Variants in PHEX observed in about 807,000 individuals in gnomAD.
PHEX encodes phosphate regulating endopeptidase X-linked.
Under a neutral mutation model 68.0 loss-of-function variants are expected in PHEX, and 16 were observed. That is an observed-to-expected ratio of 0.24 (90% CI 0.16 to 0.36). The LOEUF (loss-of-function observed/expected upper bound fraction) is 0.36, where lower values mean the gene tolerates loss of function less well. Among genes scored for constraint, PHEX ranks in the 10% least tolerant of loss-of-function variants. The probability of loss-of-function intolerance (pLI) is 1.00; values close to 1 mark genes in which losing one functional copy is unlikely to be tolerated. For missense variants in PHEX, 480 were observed against 575.5 expected (o/e 0.83, Z 1.70); for synonymous variants, 208 against 205.1 (o/e 1.01, Z -0.12).
chrX:22,231,754 G>A (rs1297018554), intron 20 of PHEX, among the ~76,000 whole-genome samples: 1 of 111,129 alleles, frequency 9.0e-6, no homozygotes, highest in Non-Finnish European at 1.9e-5. Flanking sequence ...AGGGTTTTTT[G>A]TGTCTCTATC....
At chrX:22,247,273 C>T (rs1285692320) in intron 21 of PHEX, among the ~76,000 whole-genome samples, 1 of 112,432 alleles carries the variant, frequency 8.9e-6, no homozygotes, top group Non-Finnish European at 1.9e-5. Context: ...AATGCAACAA[C>T]ATGGATGACT....
chrX:22,131,225 G>C (rs1310682886), intron 11 of PHEX, among the ~76,000 whole-genome samples: 1 of 110,185 alleles, frequency 9.1e-6, no homozygotes, highest in African/African-American at 3.3e-5. Context: ...ATTTTTAGTA[G>C]AGACGGGGTT....
chrX:22,246,931 G>T (rs931265518), intron 21 of PHEX, among the ~76,000 whole-genome samples: 21 of 111,333 alleles, frequency 1.9e-4, no homozygotes, highest in Middle Eastern at 4.7e-3. Flanking sequence ...GAAGTTTTTT[G>T]TGTGTGTGTG....
chrX:22,225,363 T>C (rs905736957), intron 18 of PHEX, among the ~76,000 whole-genome samples: 13 of 111,681 alleles, frequency 1.2e-4, no homozygotes, highest in African/African-American at 3.9e-4. Flanking sequence ...ACCATTCCTC[T>C]GTGCCTGAAT....
At chrX:22,071,284 C>T (rs1215791653) in intron 3 of PHEX, among the ~76,000 whole-genome samples, 1 of 111,571 alleles carries the variant, frequency 9.0e-6, no homozygotes, top group East Asian at 2.8e-4. Flanking sequence ...TTCATGAAAA[C>T]AGATGAATGA....
Position 22,248,159 on chromosome X carries a change from T to C in PHEX, c.*206T>C, listed in dbSNP as rs997183541. ...GTGGAATATAAGAATGAACTAAGTATGTTTCTTTAGAAAATCAAACCAACA... is the reference window on the plus strand; with the variant it reads ...GTGGAATATAAGAATGAACTAAGTACGTTTCTTTAGAAAATCAAACCAACA... On this transcript the variant is annotated 3_prime_UTR_variant, in exon 22 of 22. Transcript: ENST00000379374. 2 of 421,066 alleles carry C rather than the reference T, an allele frequency of 4.7e-6. No individual in the cohort carries two copies. The highest frequency in any genetic ancestry group is 4.1e-5 in the Admixed American group (1 of 24,315). The allele number at this position is 421,066 out of a possible 1,213,427, so 34.7% of individuals were successfully genotyped here. A position where few individuals can be genotyped will look rare whatever the true frequency, so the allele number is the denominator to read the frequency against.
chrX:22,143,942 T>C (rs1932571651), intron 12 of PHEX, among the ~76,000 whole-genome samples: 1 of 111,429 alleles, frequency 9.0e-6, no homozygotes, highest in Admixed American at 9.6e-5. Flanking sequence ...GAAAGAAGTA[T>C]GTCTGACTAC....
intron 11 of PHEX, among the ~76,000 whole-genome samples, chrX:22,115,785 A>AT (rs112102976): frequency 0.14 from 15,300 of 111,624 alleles, 2,470 homozygotes; most frequent in African/African-American, 0.47. Flanking sequence ...TCATTTCTTC[A>AT]TTTTTATGGC....
intron 15 of PHEX, among the ~76,000 whole-genome samples, chrX:22,200,986 G>T (rs192756549): frequency 2.5e-4 from 28 of 111,424 alleles, no homozygotes; most frequent in Non-Finnish European, 4.9e-4. Context: ...GTGGAGGAGG[G>T]GTTATTCTGT....
At position 22,051,322 on chromosome X, in the gene PHEX, G is replaced by A. The variant is rs184200767; in HGVS notation, c.349+4111G>A. On this transcript the variant is annotated intron_variant, in intron 3 of 21. Transcript: ENST00000379374. ...GAGGCAGGTGGATTGCTTGAGGTCAGGAGTTCAAGACCAGCCTGGCCAATG... is the reference window on the plus strand; with the variant it reads ...GAGGCAGGTGGATTGCTTGAGGTCAAGAGTTCAAGACCAGCCTGGCCAATG... Among the ~76,000 whole-genome samples, 165 of 111,928 alleles carry A rather than the reference G, an allele frequency of 1.5e-3. 1 individual carries two copies. Among genetic ancestry groups the A allele is most frequent in the Non-Finnish European group, 7.3e-4 (39 of 53,158 alleles).
intron 2 of PHEX, among the ~76,000 whole-genome samples, chrX:22,044,723 T>A (rs1485915712): frequency 6.4e-5 from 5 of 78,437 alleles, no homozygotes; most frequent in African/African-American, 2.5e-4. Context: ...AAAAAATAAA[T>A]AAATAAATAA....
At chrX:22,196,874 C>T (rs1934385108) in intron 15 of PHEX, among the ~76,000 whole-genome samples, 1 of 111,409 alleles carries the variant, frequency 9.0e-6, no homozygotes. Flanking sequence ...ATGGGGGCAT[C>T]GAATTATGGA....
At chrX:22,193,545 A>T (rs1430882786) in intron 15 of PHEX, among the ~76,000 whole-genome samples, 1 of 112,031 alleles carries the variant, frequency 8.9e-6, no homozygotes, top group East Asian at 2.8e-4. Flanking sequence ...ATCTTACTGT[A>T]TGCAATCTTA....
rs141775674 is a variant in PHEX at position 22,033,230 on chromosome X, G to A, written c.118+107G>A. ...AACACAGGTATAGGGCTGTTTGCCTGCGTTCATAGGTGGTGTATCTTTAGT... is the reference window on the plus strand; with the variant it reads ...AACACAGGTATAGGGCTGTTTGCCTACGTTCATAGGTGGTGTATCTTTAGT... On this transcript the variant is annotated intron_variant, in intron 1 of 21. Coordinates refer to ENST00000379374, the MANE Select transcript of PHEX (RefSeq NM_000444.6). 236 of 562,065 alleles carry A rather than the reference G, an allele frequency of 4.2e-4. 3 individuals are homozygous for A. The African/African-American group carries it at 4.9e-3, about 12-fold the overall frequency. The allele number at this position is 562,065 out of a possible 1,213,427, so 46.3% of individuals were successfully genotyped here.
At chrX:22,149,737 A>G (rs1932811203) in intron 12 of PHEX, among the ~76,000 whole-genome samples, 1 of 112,740 alleles carries the variant, frequency 8.9e-6, no homozygotes. Flanking sequence ...CTGGGCGACA[A>G]GAGCGAGACT....
At chrX:22,176,405 AT>A (rs1263805173) in intron 13 of PHEX, among the ~76,000 whole-genome samples, 67 of 63,991 alleles carry the variant, frequency 1.0e-3, no homozygotes, top group African/African-American at 6.6e-3. Flanking sequence ...AAAAAAAAAT[AT>A]ATATATATAT....
At chrX:22,238,816 G>T (rs1032040931) in intron 20 of PHEX, among the ~76,000 whole-genome samples, 2 of 111,803 alleles carry the variant, frequency 1.8e-5, no homozygotes, top group African/African-American at 6.5e-5. Context: ...GCAGCTGTGG[G>T]CACAGCTTCA....
At chrX:22,185,756 G>GTTT (rs3085228) in intron 14 of PHEX, among the ~76,000 whole-genome samples, 1 of 87,796 alleles carries the variant, frequency 1.1e-5, no homozygotes, top group African/African-American at 5.0e-5. Context: ...CTCGTTTGTG[G>GTTT]TTTTTTTTTT....
intron 2 of PHEX, among the ~76,000 whole-genome samples, chrX:22,042,172 G>A (rs528005462): frequency 3.6e-5 from 4 of 111,562 alleles, no homozygotes; most frequent in East Asian, 5.7e-4. Context: ...GTGTTTGATC[G>A]CCTTCTGGAC....
Sources: allele counts gnomAD v4.1 joint callset (sites outside exome capture counted in the v4.1 genomes callset), GRCh38; gene constraint gnomAD v4.1.1; transcripts MANE v1.5; gene names NCBI Gene and HGNC (gene_info 2026-07-23, HGNC 2026-07-21).